The following WDR7 variants were observed in gnomAD, a reference collection of about 807,000 sequenced individuals.
WDR7 encodes the protein WD repeat domain 7, also known as WD repeat-containing protein 7.
Under a neutral mutation model 169.4 loss-of-function variants are expected in WDR7, and 46 were observed. The observed-to-expected ratio is 0.27, with a 90% confidence interval of 0.21 to 0.35. WDR7 has a LOEUF of 0.35. WDR7 is among the 10% of genes least tolerant of loss of function. WDR7 has a pLI of 1.00. For synonymous variants in WDR7, 612 were observed against 666.8 expected (o/e 0.92, Z 1.27); for missense variants, 1,534 against 1,859.3 (o/e 0.83, Z 3.22).
intron 25 of WDR7, among the ~76,000 whole-genome samples, chr18:56,939,854 G>A (rs990160095): frequency 6.6e-6 from 1 of 151,790 alleles, no homozygotes; most frequent in African/African-American, 2.4e-5. Flanking sequence ...TTATGAGAAA[G>A]CAGGAAAAGA....
rs1282290594 is a variant in WDR7 at position 56,993,747 on chromosome 18, G to A, written c.4165-26998G>A. Among the ~76,000 whole-genome samples, 14 of 152,188 alleles carry A rather than the reference G, an allele frequency of 9.2e-5. No homozygotes were observed. In the East Asian group the frequency reaches 2.1e-3, roughly 23 times the overall value. ...GAGTGTGTGTTTTTCCTGTTCATCC[G>A]AATTTATAGGAAACCCCTTCACAGG... On this transcript the variant is annotated intron_variant, in intron 26 of 27. Coordinates refer to ENST00000254442, the MANE Select transcript of WDR7 (RefSeq NM_015285.3).
chr18:56,722,759 C>G (rs183560879), intron 13 of WDR7, among the ~76,000 whole-genome samples: 25 of 152,222 alleles, frequency 1.6e-4, no homozygotes, highest in Admixed American at 1.6e-3. Flanking sequence ...CCTCTCACAA[C>G]CCCTCCATGC....
intron 5 of WDR7, 72 bp from the exon 6 acceptor site, chr18:56,685,884 A>C: frequency 8.3e-7 from 1 of 1,208,652 alleles, no homozygotes; most frequent in Non-Finnish European, 1.2e-6. Context: ...ATTCAAGCAA[A>C]ACATCTTAAT....
At chr18:56,810,681 A>G (rs1442419829) in intron 19 of WDR7, among the ~76,000 whole-genome samples, 1 of 152,140 alleles carries the variant, frequency 6.6e-6, no homozygotes, top group Non-Finnish European at 1.5e-5. Context: ...TTCTTCAGCT[A>G]TATGGCAGAA....
intron 1 of WDR7, among the ~76,000 whole-genome samples, chr18:56,670,664 C>T (rs946575743): frequency 6.6e-6 from 1 of 152,114 alleles, no homozygotes; most frequent in Non-Finnish European, 1.5e-5. Flanking sequence ...GCACCCACCA[C>T]CTCGCCTGGC....
At chr18:56,964,608 A>C (rs1599199491) in intron 26 of WDR7, among the ~76,000 whole-genome samples, 1 of 152,032 alleles carries the variant, frequency 6.6e-6, no homozygotes, top group South Asian at 2.1e-4. Context: ...GGCTGATCTC[A>C]AATTTGTGAC....
intron 13 of WDR7, among the ~76,000 whole-genome samples, chr18:56,729,388 T>C (rs2026533430): frequency 6.6e-6 from 1 of 152,202 alleles, no homozygotes; most frequent in Non-Finnish European, 1.5e-5. Context: ...CTATACTAAT[T>C]CAACCATGTA....
At chr18:56,999,289 G>A (rs1253864677) in intron 26 of WDR7, among the ~76,000 whole-genome samples, 1 of 152,118 alleles carries the variant, frequency 6.6e-6, no homozygotes, top group Non-Finnish European at 1.5e-5. Flanking sequence ...TAGGGTTTGG[G>A]GGAATGTTTT....
At chr18:56,694,833 A>T (rs1049075406) in intron 10 of WDR7, 73 bp downstream of exon 10, 1 of 1,535,894 alleles carries the variant, frequency 6.5e-7, no homozygotes, top group African/African-American at 1.4e-5. Context: ...AATAACATTC[A>T]TAATGTACAT....
intron 19 of WDR7, among the ~76,000 whole-genome samples, chr18:56,811,111 A>T (rs927916450): frequency 2.5e-4 from 38 of 152,218 alleles, no homozygotes; most frequent in African/African-American, 8.9e-4. Flanking sequence ...CATAGCATGT[A>T]TTGGAACTTC....
intron 20 of WDR7, among the ~76,000 whole-genome samples, chr18:56,868,854 G>T (rs1204747874): frequency 1.3e-5 from 2 of 152,098 alleles, no homozygotes; most frequent in African/African-American, 2.4e-5. Context: ...CGTTTTTGGA[G>T]ATAGTTTTTA....
At chr18:56,800,828 C>T (rs1360017395) in intron 19 of WDR7, among the ~76,000 whole-genome samples, 1 of 152,196 alleles carries the variant, frequency 6.6e-6, no homozygotes, top group Non-Finnish European at 1.5e-5. Flanking sequence ...TGTATTTTCC[C>T]TGCCTTCCGT....
intron 25 of WDR7, among the ~76,000 whole-genome samples, chr18:56,954,709 A>C (rs1026510398): frequency 6.6e-6 from 1 of 152,172 alleles, no homozygotes; most frequent in Admixed American, 6.5e-5. Context: ...TGTTTCTTTA[A>C]AATTGGATAT....
intron 26 of WDR7, among the ~76,000 whole-genome samples, chr18:56,964,071 T>G (rs1006088295): frequency 6.6e-6 from 1 of 151,682 alleles, no homozygotes; most frequent in Non-Finnish European, 1.5e-5. Context: ...GTGTGAGCAC[T>G]GTGAGGCGAC....
chr18:56,947,975 C>T (rs1270594722), intron 25 of WDR7, among the ~76,000 whole-genome samples: 4 of 151,748 alleles, frequency 2.6e-5, no homozygotes, highest in African/African-American at 9.7e-5. Flanking sequence ...TGTAAGTTTA[C>T]GGTGATTGTA....
chr18:56,678,162 T>C (rs933600275), intron 2 of WDR7, among the ~76,000 whole-genome samples: 38 of 152,216 alleles, frequency 2.5e-4, no homozygotes, highest in Non-Finnish European at 5.9e-5. Context: ...CTGAATTCTT[T>C]CTCTGTGTTA....
At chr18:56,812,388 A>G (rs966364908) in intron 19 of WDR7, among the ~76,000 whole-genome samples, 1 of 152,244 alleles carries the variant, frequency 6.6e-6, no homozygotes, top group African/African-American at 2.4e-5. Flanking sequence ...CCTGTAAACA[A>G]TCATTTTATC....
chr18:56,742,222 A>C (rs370560377), intron 14 of WDR7, among the ~76,000 whole-genome samples: 2 of 152,230 alleles, frequency 1.3e-5, no homozygotes, highest in African/African-American at 4.8e-5. Context: ...ACTATCTCAC[A>C]TCATAAATCA....
At chr18:56,815,474 T>G (rs1224868869) in intron 19 of WDR7, among the ~76,000 whole-genome samples, 3 of 152,242 alleles carry the variant, frequency 2.0e-5, no homozygotes. Context: ...TTTGCCTGTC[T>G]GCTTTCAGTT....
Sources: gnomAD v4.1 joint callset for allele counts (sites outside exome capture counted in the v4.1 genomes callset) on GRCh38, gnomAD v4.1.1 for gene constraint, MANE v1.5 for transcripts, NCBI Gene and HGNC (gene_info 2026-07-23, HGNC 2026-07-21) for gene names.